CNTRL: variants seen among roughly 807,000 people sequenced by gnomAD.
CNTRL encodes the protein centriolin, also known as 110 kDa centrosomal protein.
A neutral mutation model predicts 303.7 loss-of-function variants in CNTRL; 233 were observed. The ratio of observed to expected loss-of-function variants is 0.77; its 90% CI spans 0.69 to 0.86. CNTRL has a LOEUF of 0.86. CNTRL is among the 40% of genes least tolerant of loss of function. The pLI is 0.00. For missense variants in CNTRL, 2,524 were observed against 2,650.6 expected (o/e 0.95, Z 1.05); for synonymous variants, 900 against 922.2 (o/e 0.98, Z 0.44).
rs764882730 is a variant in CNTRL at position 121,142,175 on chromosome 9, A to G, written c.2776A>G (p.Met926Val). Reference protein sequence around the residue: ...IHYLQENLKSMEEIQGLTDLQ... With the variant: ...IHYLQENLKSVEEIQGLTDLQ... ...CTATTTGCAAGAAAATCTAAAAAGT[A>G]TGGAGGAAATCCAAGGCCTTACAGA... Residue 926 changes from methionine (M) to valine (V), a missense_variant, in exon 19 of 44, where the codon ATG (methionine) becomes GTG (valine). Transcript: ENST00000373855. 4 of 1,613,406 alleles carry G rather than the reference A, an allele frequency of 2.5e-6. No homozygotes were observed. The highest frequency in any genetic ancestry group is 3.3e-4 in the Middle Eastern group (2 of 6,056).
rs568191425 is a variant in CNTRL, at chr9:121,121,061, C to T, written c.1650+2521C>T. On this transcript the variant is annotated intron_variant, in intron 12 of 43. Coordinates refer to ENST00000373855, the MANE Select transcript of CNTRL (RefSeq NM_007018.6). The stretch of plus-strand genomic sequence containing the variant: ...AAGAGAAATAATCAAGAGTGAGATG[C>T]CTGCATATTTTTCTATAGATATAGG... Among the ~76,000 whole-genome samples the T allele has an allele frequency of 2.0e-5, 3 of 152,142 alleles. No homozygotes were observed. In the East Asian group the frequency reaches 5.8e-4, roughly 29 times the overall value.
In CNTRL at chr9:121,107,894, A is replaced by G; in HGVS notation, c.901A>G (p.Lys301Glu). 1 of 1,610,728 alleles carries G rather than the reference A, an allele frequency of 6.2e-7. No individual in the cohort carries two copies. Among genetic ancestry groups the G allele is most frequent in the Non-Finnish European group, 8.5e-7 (1 of 1,178,394 alleles). The change falls in exon 8 of 44, where the codon AAA becomes GAA. Residue 301 changes from lysine to glutamate, a missense_variant. Lys to Glu is a moderately conservative substitution (Grantham distance 56). Transcript: ENST00000373855. ...ACAAACAAGGTTCCTTGAGGAAATTAAAAATCAAGATAAATTGAATAAATC... is the reference window on the plus strand; with the variant it reads ...ACAAACAAGGTTCCTTGAGGAAATTGAAAATCAAGATAAATTGAATAAATC... ...SKQTRFLEEI[K>E]NQDKLNKSLK...
intron 7 of CNTRL, among the ~76,000 whole-genome samples, chr9:121,103,496 C>T (rs2132802198): frequency 6.6e-6 from 1 of 152,306 alleles, no homozygotes; most frequent in Non-Finnish European, 1.5e-5. Context: ...TGGGCAAGGA[C>T]TTCATGTCTA....
chr9:121,092,953 C>T lies in CNTRL; in HGVS notation c.349-1935C>T, dbSNP rs374160513. Among the ~76,000 whole-genome samples the T allele has an allele frequency of 1.1e-4, 16 of 148,916 alleles. No homozygotes were observed. In the South Asian group the frequency reaches 1.9e-3, roughly 18 times the overall value. On this transcript the variant is annotated intron_variant, in intron 4 of 43. Coordinates refer to ENST00000373855, the MANE Select transcript of CNTRL (RefSeq NM_007018.6). ...TCCTGAGTAGCTGGGATTACAGGCA[C>T]GTGCTACGACGCCCAGCTAATTTTT...
At chr9:121,113,825 G>A (rs2049860514) in intron 10 of CNTRL, 101 bp downstream of exon 10, 4 of 676,540 alleles carry the variant, frequency 5.9e-6, no homozygotes. Context: ...CATGTTGATG[G>A]TATTGTTTCC....
At chr9:121,131,932 A>T (rs2050885718) in intron 14 of CNTRL, among the ~76,000 whole-genome samples, 1 of 152,036 alleles carries the variant, frequency 6.6e-6, no homozygotes, top group Admixed American at 6.6e-5. Flanking sequence ...GTTGAAAATT[A>T]TTTTCTTTTA....
intron 40 of CNTRL, 160 bp downstream of exon 40, chr9:121,171,708 G>C (rs1327046557): frequency 1.3e-5 from 7 of 553,602 alleles, no homozygotes; most frequent in African/African-American, 1.9e-5. Flanking sequence ...TTAAAATTTA[G>C]AAACACACCT....
intron 25 of CNTRL, among the ~76,000 whole-genome samples, chr9:121,151,519 T>A (rs948902206): frequency 3.3e-5 from 5 of 150,492 alleles, no homozygotes; most frequent in African/African-American, 1.2e-4. Context: ...GCCTCCCAAG[T>A]AGCTGGGATT....
At chr9:121,137,366 C>T (rs946515791) in intron 15 of CNTRL, among the ~76,000 whole-genome samples, 8 of 152,134 alleles carry the variant, frequency 5.3e-5, no homozygotes, top group African/African-American at 1.9e-4. Context: ...TGTTTTACCC[C>T]AGCTAGACTC....
rs574430517 is a variant in CNTRL, at chr9:121,152,201, A to G, written c.3964-284A>G. 5.6e-4 allele frequency: 183 copies of G among 328,734 alleles called. 4 individuals carry two copies. The highest frequency in any genetic ancestry group is 5.3e-3 in the South Asian group (135 of 25,602). 20.4% of individuals were successfully genotyped at this position (328,734 alleles called of 1,614,324 possible). A position where few individuals can be genotyped will look rare whatever the true frequency, so the allele number is the denominator to read the frequency against. On this transcript the variant is annotated intron_variant, in intron 25 of 43. Coordinates refer to ENST00000373855, the MANE Select transcript of CNTRL (RefSeq NM_007018.6). The stretch of plus-strand genomic sequence containing the variant: ...CCAGAGGAAGGAGAGACTTCTGTCT[A>G]TCTCTTCTGCTAGACCCCGAACTCT...
At chr9:121,086,583 A>C (rs2048350443) in intron 2 of CNTRL, among the ~76,000 whole-genome samples, 1 of 150,668 alleles carries the variant, frequency 6.6e-6, no homozygotes, top group South Asian at 2.1e-4. Flanking sequence ...ATGGGGGACC[A>C]CCTTGTAGGT....
At chr9:121,098,606 T>A in intron 7 of CNTRL, 34 bp downstream of exon 7, 2 of 1,373,554 alleles carry the variant, frequency 1.5e-6, no homozygotes, top group South Asian at 2.7e-5. Context: ...TAAATTTGGG[T>A]GAGGGAGGAA....
intron 20 of CNTRL, 113 bp downstream of exon 20, chr9:121,144,195 A>T (rs146792917): frequency 1.1e-6 from 1 of 929,490 alleles, no homozygotes; most frequent in East Asian, 2.7e-5. Context: ...AACCACTGTA[A>T]AGTTGTCTGT....
At chr9:121,113,330 G>T (rs974081291) in intron 9 of CNTRL, among the ~76,000 whole-genome samples, 172 bp from the exon 10 acceptor site, 4 of 151,868 alleles carry the variant, frequency 2.6e-5, no homozygotes, top group South Asian at 2.1e-4. Flanking sequence ...TCCTTTTTTG[G>T]TATATTAAGA....
chr9:121,147,873 G>A (rs1473792988), intron 23 of CNTRL, among the ~76,000 whole-genome samples: 2 of 152,166 alleles, frequency 1.3e-5, no homozygotes, highest in African/African-American at 4.8e-5. Context: ...ATAAATTAGA[G>A]CAAAACATAT....
rs200247383 is a variant in CNTRL, at chr9:121,151,384, C to CTTTTTTTTTTTTTTTTTTT, written c.3963+903_3963+904insTTTTTTTTTTTTTTTTTTT. Among the ~76,000 whole-genome samples the CTTTTTTTTTTTTTTTTTTT allele has an allele frequency of 6.9e-4, 63 of 91,508 alleles. 4 individuals are homozygous for CTTTTTTTTTTTTTTTTTTT. Among genetic ancestry groups the CTTTTTTTTTTTTTTTTTTT allele is most frequent in the East Asian group, 2.3e-3 (5 of 2,218 alleles). The allele number at this position is 91,508 out of a possible 152,430, so 60.0% of individuals were successfully genotyped here. On this transcript the variant is annotated intron_variant, in intron 25 of 43. Coordinates refer to ENST00000373855, the MANE Select transcript of CNTRL (RefSeq NM_007018.6). The stretch of plus-strand genomic sequence containing the variant: ...GATTACTTCCTTTTTCTTTTTTCTT[C>CTTTTTTTTTTTTTTTTTTT]TTCTTTTTTTTTTTTTTTTTTTTTG...
chr9:121,144,029 C>G lies in CNTRL; in HGVS notation c.2998C>G (p.Gln1000Glu), dbSNP rs373344449. 230 of 1,613,796 alleles carry G rather than the reference C, an allele frequency of 1.4e-4. No individual in the cohort carries two copies. Among genetic ancestry groups the G allele is most frequent in the Non-Finnish European group, 1.9e-4 (220 of 1,179,904 alleles). The change falls in exon 20 of 44, where the codon CAG becomes GAG. Residue 1000 changes from glutamine to glutamate, a missense_variant. Physicochemically the swap from Gln to Glu is conservative, Grantham distance 29. Transcript: ENST00000373855. Reference protein sequence around the residue: ...ATAELTIAKDQLKSLHGTVMK... With the variant: ...ATAELTIAKDELKSLHGTVMK... ...AGCTGAGCTCACCATTGCCAAAGAC[C>G]AGCTGAAGTCCCTTCATGGAACTGT...
At chr9:121,085,196 T>C (rs1038328378) in intron 2 of CNTRL, among the ~76,000 whole-genome samples, 2 of 152,178 alleles carry the variant, frequency 1.3e-5, no homozygotes, top group African/African-American at 4.8e-5. Context: ...AGTTCAAAAA[T>C]AGTTCAAAAA....
intron 8 of CNTRL, among the ~76,000 whole-genome samples, chr9:121,109,807 A>G (rs1258004254): frequency 6.6e-6 from 1 of 152,112 alleles, no homozygotes; most frequent in Non-Finnish European, 1.5e-5. Flanking sequence ...AAAAAATGGA[A>G]TCTTGTTTTA....
Sources: allele counts gnomAD v4.1 joint callset (sites outside exome capture counted in the v4.1 genomes callset), GRCh38; gene constraint gnomAD v4.1.1; transcripts MANE v1.5; gene names NCBI Gene and HGNC (gene_info 2026-07-23, HGNC 2026-07-21).